Variants in CCSER1 observed in about 807,000 individuals in gnomAD.
CCSER1 encodes serine-rich coiled-coil domain-containing protein 1.
A neutral mutation model predicts 82.0 loss-of-function variants in CCSER1; 41 were observed. The observed-to-expected ratio is 0.50, with a 90% CI of 0.39 to 0.65. The LOEUF is 0.65. CCSER1 is among the 30% of genes least tolerant of loss of function. The pLI is 0.00. For missense variants in CCSER1, 1,119 were observed against 1,064.2 expected (o/e 1.05, Z -0.72); for synonymous variants, 414 against 383.9 (o/e 1.08, Z -0.92).
At chr4:90,803,967 G>A (rs951691801) in intron 7 of CCSER1, among the ~76,000 whole-genome samples, 1 of 152,188 alleles carries the variant, frequency 6.6e-6, no homozygotes, top group Non-Finnish European at 1.5e-5. Flanking sequence ...GACCAGTGAT[G>A]ATGATTATTT....
At chr4:91,327,221 C>A (rs564212224) in intron 10 of CCSER1, among the ~76,000 whole-genome samples, 24 of 152,322 alleles carry the variant, frequency 1.6e-4, no homozygotes, top group Admixed American at 1.2e-3. Context: ...ACCCCTGTAG[C>A]AAACTTCTGC....
At chr4:90,718,238 T>A (rs1472916216) in intron 6 of CCSER1, among the ~76,000 whole-genome samples, 1 of 152,106 alleles carries the variant, frequency 6.6e-6, no homozygotes, top group Admixed American at 6.6e-5. Context: ...TAGAGGATCA[T>A]TATAGAATTT....
intron 6 of CCSER1, among the ~76,000 whole-genome samples, chr4:90,650,262 A>G (rs775891594): frequency 4.5e-4 from 68 of 152,236 alleles, no homozygotes; most frequent in Non-Finnish European, 9.1e-4. Context: ...AGAAAGGGTC[A>G]AGAAAGTGAA....
intron 10 of CCSER1, among the ~76,000 whole-genome samples, chr4:91,324,263 C>CT (rs1382004418): frequency 2.6e-5 from 4 of 152,048 alleles, no homozygotes; most frequent in African/African-American, 9.7e-5. Context: ...AATAGGTTTA[C>CT]TTTTTTCATA....
chr4:90,254,219 G>C (rs1480052886), intron 1 of CCSER1, among the ~76,000 whole-genome samples: 1 of 152,134 alleles, frequency 6.6e-6, no homozygotes, highest in Admixed American at 6.6e-5. Context: ...AATAAAGCCA[G>C]ATCTTTTAGG....
At chr4:91,336,954 T>C (rs1052877358) in intron 10 of CCSER1, among the ~76,000 whole-genome samples, 4 of 152,054 alleles carry the variant, frequency 2.6e-5, no homozygotes, top group Non-Finnish European at 4.4e-5. Context: ...AATGCATCTT[T>C]TTGTTAAAGA....
chr4:91,432,155 T>G (rs1343002261), intron 10 of CCSER1, among the ~76,000 whole-genome samples: 2 of 152,260 alleles, frequency 1.3e-5, no homozygotes, highest in South Asian at 2.1e-4. Context: ...GGTTCTTGCT[T>G]CTTCTTTGCC....
intron 10 of CCSER1, among the ~76,000 whole-genome samples, chr4:91,530,254 A>G (rs1311304960): frequency 6.6e-6 from 1 of 152,104 alleles, no homozygotes; most frequent in East Asian, 1.9e-4. Flanking sequence ...GGATTTGCCT[A>G]TCAATAAGTT....
chr4:90,980,471 G>A (rs776876535), intron 9 of CCSER1, among the ~76,000 whole-genome samples: 1 of 151,762 alleles, frequency 6.6e-6, no homozygotes, highest in Non-Finnish European at 1.5e-5. Flanking sequence ...TTGAACACAG[G>A]CATTATGTGA....
chr4:91,272,517 A>G (rs1235075543), intron 10 of CCSER1, among the ~76,000 whole-genome samples: 1 of 152,002 alleles, frequency 6.6e-6, no homozygotes, highest in Non-Finnish European at 1.5e-5. Context: ...AGATATATAG[A>G]TTGTGAAGAT....
At chr4:90,837,667 C>T (rs1346434776) in intron 8 of CCSER1, among the ~76,000 whole-genome samples, 1 of 152,008 alleles carries the variant, frequency 6.6e-6, no homozygotes, top group Non-Finnish European at 1.5e-5. Context: ...TATTCTAAGA[C>T]ATTGGAAGAG....
intron 4 of CCSER1, among the ~76,000 whole-genome samples, chr4:90,403,675 T>G (rs2153547421): frequency 6.6e-6 from 1 of 152,288 alleles, no homozygotes; most frequent in African/African-American, 2.4e-5. Context: ...ATTCCACTGC[T>G]TATATTACTG....
chr4:91,000,275 G>A (rs1478409791), intron 9 of CCSER1, among the ~76,000 whole-genome samples: 1 of 144,648 alleles, frequency 6.9e-6, no homozygotes, highest in East Asian at 2.0e-4. Flanking sequence ...GTATAGTATA[G>A]TATGTATAGT....
chr4:90,398,420 A>G (rs940905509), intron 3 of CCSER1, among the ~76,000 whole-genome samples: 2 of 152,230 alleles, frequency 1.3e-5, no homozygotes, highest in Non-Finnish European at 2.9e-5. Context: ...TCCTTTCACT[A>G]TAAAATGTAT....
intron 10 of CCSER1, among the ~76,000 whole-genome samples, chr4:91,460,126 A>C (rs1756422616): frequency 6.6e-6 from 1 of 152,328 alleles, no homozygotes; most frequent in South Asian, 2.1e-4. Context: ...GCCAGCTTCC[A>C]TGGAGAGTTG....
chr4:90,617,496 G>T (rs75002393), intron 5 of CCSER1, among the ~76,000 whole-genome samples: 7,525 of 152,160 alleles, frequency 0.049, 387 homozygotes, highest in Admixed American at 0.17. Context: ...TAGAAATAAA[G>T]AAACTGAGAT....
In CCSER1 at chr4:90,632,330, C is replaced by T. The variant is rs140964726; in HGVS notation, c.1932+4098C>T. ...GTAATTGCATTACTTATTATTCTACCTACTTTGGGTTTAATAAAAATTTTC... is the reference window on the plus strand; with the variant it reads ...GTAATTGCATTACTTATTATTCTACTTACTTTGGGTTTAATAAAAATTTTC... On this transcript the variant is annotated intron_variant, in intron 6 of 10. Transcript: ENST00000509176. Among the ~76,000 whole-genome samples the T allele has an allele frequency of 2.8e-3, 421 of 151,944 alleles. 3 individuals are homozygous for T. Among genetic ancestry groups the T allele is most frequent in the Non-Finnish European group, 4.1e-3 (280 of 67,932 alleles).
intron 4 of CCSER1, among the ~76,000 whole-genome samples, chr4:90,444,714 C>T (rs1183537694): frequency 6.6e-6 from 1 of 151,912 alleles, no homozygotes; most frequent in Non-Finnish European, 1.5e-5. Flanking sequence ...TAATTCAAGA[C>T]AGAAATAGTC....
intron 7 of CCSER1, among the ~76,000 whole-genome samples, chr4:90,764,560 T>C (rs1021561459): frequency 1.3e-5 from 2 of 152,126 alleles, no homozygotes; most frequent in African/African-American, 4.8e-5. Context: ...GCAAACCTTA[T>C]TTAAACAGAA....
Sources: gnomAD v4.1 joint callset for allele counts (sites outside exome capture counted in the v4.1 genomes callset) on GRCh38, gnomAD v4.1.1 for gene constraint, MANE v1.5 for transcripts, NCBI Gene and HGNC (gene_info 2026-07-23, HGNC 2026-07-21) for gene names.